RBPMS: variants seen among roughly 807,000 people sequenced by gnomAD.
RBPMS encodes RNA-binding protein with multiple splicing.
In RBPMS, 7 loss-of-function variants were observed where a neutral mutation model predicts 26.8. That is an observed-to-expected ratio of 0.26 (90% confidence interval 0.15 to 0.49). The LOEUF is 0.49. Among genes scored for constraint, RBPMS ranks in the 20% least tolerant of loss-of-function variants. RBPMS has a pLI of 0.98. For synonymous variants in RBPMS, 96 were observed against 93.3 expected, an observed-to-expected ratio of 1.03 and a Z score of -0.17; for missense variants, 186 against 250.0, an observed-to-expected ratio of 0.74 and a Z score of 1.73.
Position 30,385,160 on chromosome 8 carries a change from T to C in RBPMS, c.66+2T>C. On this transcript the variant is annotated splice_donor_variant, in intron 1 of 8. Transcript: ENST00000397323. LOFTEE classifies it high-confidence loss of function. ...GAGGCCAACCTTCAGGAGGAGGAGG[T>C]ACTGGGCGGCTCGGTGTGGTGGCGG... is the stretch of plus-strand genomic sequence containing the variant. 6.7e-7 allele frequency: 1 copy of C among 1,502,414 alleles called. No individual in the cohort carries two copies. 93.1% of individuals were successfully genotyped at this position (1,502,414 alleles called of 1,614,324 possible). A position where few individuals can be genotyped will look rare whatever the true frequency, so the allele number is the denominator to read the frequency against.
chr8:30,473,412 C>T (rs2150823602), intron 1 of RBPMS, among the ~76,000 whole-genome samples: 1 of 152,292 alleles, frequency 6.6e-6, no homozygotes, highest in South Asian at 2.1e-4. Context: ...CTACACTTTG[C>T]ACTATATGTA....
intron 5 of RBPMS, among the ~76,000 whole-genome samples, chr8:30,540,352 T>C (rs531454918): frequency 2.6e-5 from 4 of 152,236 alleles, no homozygotes; most frequent in African/African-American, 4.8e-5. Context: ...TGGGGTCTTA[T>C]AGGCCATTAC....
At chr8:30,484,559 T>C (rs1179692398) in intron 4 of RBPMS, among the ~76,000 whole-genome samples, 2 of 152,194 alleles carry the variant, frequency 1.3e-5, no homozygotes, top group Non-Finnish European at 2.9e-5. Context: ...CCACTCAGAC[T>C]TCCATTGCAA....
chr8:30,431,334 C>T (rs1811901022), intron 1 of RBPMS, among the ~76,000 whole-genome samples: 1 of 143,772 alleles, frequency 7.0e-6, no homozygotes, highest in Non-Finnish European at 1.5e-5. Flanking sequence ...TTTCTCCTTT[C>T]TTTCTTTTCT....
chr8:30,551,032 C>G (rs1048338706), intron 6 of RBPMS, among the ~76,000 whole-genome samples: 3 of 152,122 alleles, frequency 2.0e-5, no homozygotes, highest in Non-Finnish European at 2.9e-5. Flanking sequence ...TAGTATTCTC[C>G]TCAGCCTCAT....
intron 5 of RBPMS, among the ~76,000 whole-genome samples, chr8:30,509,782 T>TA (rs1317819687): frequency 6.6e-6 from 1 of 152,194 alleles, no homozygotes; most frequent in African/African-American, 2.4e-5. Context: ...AGGGAATGAC[T>TA]AAAAGTTGCA....
Position 30,566,371 on chromosome 8 carries a change from G to GAA in RBPMS, c.*111+11_*111+12insAA. 1.1e-6 allele frequency: 1 copy of GAA among 905,552 alleles called. No homozygotes were observed. The highest frequency in any genetic ancestry group is 5.1e-5 in the South Asian group (1 of 19,564). 56.1% of individuals were successfully genotyped at this position (905,552 alleles called of 1,614,324 possible). A position where few individuals can be genotyped will look rare whatever the true frequency, so the allele number is the denominator to read the frequency against. Reference sequence around the variant, plus strand: ...AACTGGAGCATGCTGGTGAGTAACAGTCAGGGCTGAACAAGCCCTCAGGGG... The same window carrying GAA: ...AACTGGAGCATGCTGGTGAGTAACAGAATCAGGGCTGAACAAGCCCTCAGGGG... On this transcript the variant is annotated intron_variant, in intron 8 of 8. Transcript: ENST00000397323.
intron 6 of RBPMS, chr8:30,555,876 C>T (rs1052182835): frequency 5.1e-6 from 5 of 985,336 alleles, no homozygotes; most frequent in Non-Finnish European, 6.0e-6. Context: ...CTCATTACCC[C>T]CACACAGTGA....
chr8:30,422,694 T>C (rs866647868), intron 1 of RBPMS, among the ~76,000 whole-genome samples: 15 of 152,326 alleles, frequency 9.8e-5, no homozygotes, highest in Middle Eastern at 3.4e-3. Context: ...CAAATTTAAA[T>C]AGATACCTGA....
chr8:30,514,703 T>TTTTA (rs58473169), intron 5 of RBPMS, among the ~76,000 whole-genome samples: 3 of 135,340 alleles, frequency 2.2e-5, no homozygotes, highest in Non-Finnish European at 4.7e-5. Context: ...TTTTTTTTTT[T>TTTTA]AATGTAGAGG....
chr8:30,468,149 G>C (rs1816711014), intron 1 of RBPMS, among the ~76,000 whole-genome samples: 1 of 152,098 alleles, frequency 6.6e-6, no homozygotes, highest in African/African-American at 2.4e-5. Flanking sequence ...AAATATACAG[G>C]TTAATGAGTT....
rs966021394 is a variant in RBPMS at position 30,438,817 on chromosome 8, C to T, written c.67-35962C>T. ...TGAAATAGCCTTGCTCTGCCAGCCC[C>T]GGCTGGAGTGCAGTGGTGCAATCTC... On this transcript the variant is annotated intron_variant, in intron 1 of 8. Coordinates refer to ENST00000397323, the MANE Select transcript of RBPMS (RefSeq NM_001008710.3). Among the ~76,000 whole-genome samples the T allele has an allele frequency of 6.6e-5, 10 of 152,140 alleles. No homozygotes were observed. In the South Asian group the frequency reaches 8.3e-4, roughly 13 times the overall value.
intron 7 of RBPMS, chr8:30,563,994 GGGA>G (rs1370658089): frequency 1.3e-5 from 2 of 152,278 alleles, no homozygotes; most frequent in African/African-American, 2.4e-5. Context: ...CAGCGTCCTG[GGGA>G]GGAGATGGGT....
intron 1 of RBPMS, among the ~76,000 whole-genome samples, chr8:30,456,882 C>A (rs1454170955): frequency 6.6e-6 from 1 of 152,264 alleles, no homozygotes; most frequent in Non-Finnish European, 1.5e-5. Context: ...GATCACGCCA[C>A]TGTACTCCAG....
chr8:30,459,459 G>T (rs1461229360), intron 1 of RBPMS, among the ~76,000 whole-genome samples: 2 of 152,106 alleles, frequency 1.3e-5, no homozygotes, highest in African/African-American at 4.8e-5. Flanking sequence ...TAAATAGATT[G>T]TACAGTTTAA....
chr8:30,535,902 T>C (rs1181367693), intron 5 of RBPMS, among the ~76,000 whole-genome samples: 1 of 151,978 alleles, frequency 6.6e-6, no homozygotes, highest in African/African-American at 2.4e-5. Flanking sequence ...GGCTCAGGAG[T>C]TGAAGTTGTA....
intron 1 of RBPMS, among the ~76,000 whole-genome samples, chr8:30,420,272 A>G (rs967378976): frequency 1.3e-5 from 2 of 152,102 alleles, no homozygotes; most frequent in Non-Finnish European, 2.9e-5. Flanking sequence ...GGAGATACAG[A>G]TTGTATTTCT....
intron 4 of RBPMS, among the ~76,000 whole-genome samples, chr8:30,486,845 A>G (rs576864976): frequency 1.3e-5 from 2 of 152,296 alleles, no homozygotes; most frequent in East Asian, 1.9e-4. Context: ...AGATAATTAC[A>G]TGACTGTGTG....
chr8:30,518,687 C>CTTTTTTTGTTTTTTTTTTTT (rs1822628990), intron 5 of RBPMS, among the ~76,000 whole-genome samples: 1 of 18,236 alleles, frequency 5.5e-5, no homozygotes, highest in African/African-American at 1.9e-4. Context: ...CCAAGCATGA[C>CTTTTTTTGTTTTTTTTTTTT]TTTTTTTTTT....
Sources: allele counts gnomAD v4.1 joint callset (sites outside exome capture counted in the v4.1 genomes callset), GRCh38; gene constraint gnomAD v4.1.1; transcripts MANE v1.5; gene names NCBI Gene and HGNC (gene_info 2026-07-23, HGNC 2026-07-21).